LRTM3: variants seen among roughly 807,000 people sequenced by gnomAD.
LRTM3 encodes leucine rich repeat transmembrane protein 3, also known as leucine-rich repeat transmembrane protein 3.
At chr13:102,741,566 T>G in the LRTM3 span, 1 of 1,550,240 alleles carries the variant, frequency 6.5e-7, no homozygotes, top group Admixed American at 2.0e-5. Context: ...GTTTTCCAAA[T>G]GAAGAGGTTC....
the LRTM3 span, chr13:102,742,887 C>T: frequency 1.9e-6 from 3 of 1,550,838 alleles, no homozygotes; most frequent in South Asian, 2.4e-5. Context: ...GATATGGCAT[C>T]ATCTGTTGCC....
At chr13:102,738,040 T>C in the LRTM3 span, 4 of 1,550,606 alleles carry the variant, frequency 2.6e-6, no homozygotes, top group South Asian at 3.6e-5. Context: ...GTCCTGCACC[T>C]CTTCTGTCCT....
the LRTM3 span, among the ~76,000 whole-genome samples, chr13:102,755,811 T>A: frequency 6.6e-6 from 1 of 150,658 alleles, no homozygotes; most frequent in South Asian, 2.1e-4. Flanking sequence ...ATAAAATTAT[T>A]TGAAGGTGTC....
chr13:102,750,683 T>A, the LRTM3 span, among the ~76,000 whole-genome samples: 1 of 152,182 alleles, frequency 6.6e-6, no homozygotes, highest in Non-Finnish European at 1.5e-5. Context: ...AAGATTATAT[T>A]ATTTTACAAG....
the LRTM3 span, among the ~76,000 whole-genome samples, chr13:102,752,346 G>A: frequency 3.9e-5 from 6 of 152,062 alleles, no homozygotes; most frequent in Non-Finnish European, 5.9e-5. Context: ...TATCCACCTC[G>A]TTCAGCATGA....
chr13:102,733,969 T>C, the LRTM3 span: 2 of 1,551,396 alleles, frequency 1.3e-6, no homozygotes, highest in Non-Finnish European at 1.7e-6. Flanking sequence ...ATCCTGTAAT[T>C]CCTGGAGTGT....
chr13:102,749,013 G>C, the LRTM3 span: 2 of 1,550,674 alleles, frequency 1.3e-6, no homozygotes, highest in Admixed American at 2.0e-5. Flanking sequence ...ACTTTCACTA[G>C]TTGTTTTCTG....
At chr13:102,742,979 T>C in the LRTM3 span, 15 of 1,540,930 alleles carry the variant, frequency 9.7e-6, no homozygotes, top group African/African-American at 1.5e-4. Flanking sequence ...TTTGTTTTTT[T>C]CTATTTTTAC....
chr13:102,734,187 T>C, the LRTM3 span: 1 of 1,551,464 alleles, frequency 6.4e-7, no homozygotes, highest in South Asian at 1.2e-5. Context: ...CTGAACCTCA[T>C]ATCTATCGTT....
the LRTM3 span, chr13:102,749,027 T>A: frequency 7.1e-6 from 11 of 1,550,848 alleles, no homozygotes; most frequent in Admixed American, 2.2e-4. Context: ...TTTTCTGGAA[T>A]AATTTTTAAC....
chr13:102,748,948 T>A, the LRTM3 span: 1 of 1,550,756 alleles, frequency 6.4e-7, no homozygotes, highest in Non-Finnish European at 8.7e-7. Context: ...TCTCTGTATC[T>A]GGTGACTTAT....
chr13:102,734,245 T>C, the LRTM3 span: 1 of 1,551,420 alleles, frequency 6.4e-7, no homozygotes, highest in Admixed American at 2.0e-5. Context: ...GTTTTCCTTT[T>C]CTTACATCAC....
the LRTM3 span, chr13:102,730,261 T>C: frequency 6.4e-7 from 1 of 1,551,426 alleles, no homozygotes; most frequent in Non-Finnish European, 8.7e-7. Flanking sequence ...GTAATTCAAA[T>C]AGAATGTTTT....
the LRTM3 span, chr13:102,747,054 G>A: frequency 2.6e-6 from 4 of 1,551,152 alleles, no homozygotes; most frequent in Non-Finnish European, 1.7e-6. Flanking sequence ...CAGCTATCAT[G>A]CAGGACTGCT....
At chr13:102,758,780 C>T in the LRTM3 span, 6 of 1,550,764 alleles carry the variant, frequency 3.9e-6, no homozygotes, top group African/African-American at 6.8e-5. Context: ...TGAGTATTAT[C>T]TCAAAAATAA....
chr13:102,747,040 G>T, the LRTM3 span: 3 of 1,551,110 alleles, frequency 1.9e-6, no homozygotes, highest in East Asian at 2.4e-5. Flanking sequence ...CAAGTCCAAG[G>T]TTGCAGCTAT....
chr13:102,729,723 G>GTT, the LRTM3 span: 3 of 1,551,838 alleles, frequency 1.9e-6, no homozygotes, highest in Admixed American at 5.9e-5. Context: ...GCTGATTTAT[G>GTT]TTTGCTTTGG....
At chr13:102,756,673 T>TAAAAAAAAAAAAAA in the LRTM3 span, among the ~76,000 whole-genome samples, 4 of 67,022 alleles carry the variant, frequency 6.0e-5, no homozygotes, top group African/African-American at 1.7e-4. Context: ...AAACTCTGTC[T>TAAAAAAAAAAAAAA]AAAAAAAAAA....
chr13:102,738,800 ACTT>A, the LRTM3 span: 1 of 1,550,370 alleles, frequency 6.5e-7, no homozygotes, highest in Non-Finnish European at 8.7e-7. Flanking sequence ...CCAAATCTCA[ACTT>A]CTTTATCTTC....
Sources: allele counts gnomAD v4.1 joint callset (sites outside exome capture counted in the v4.1 genomes callset), GRCh38; gene constraint gnomAD v4.1.1; transcripts MANE v1.5; gene names NCBI Gene and HGNC (gene_info 2026-07-23, HGNC 2026-07-21).